The following KDSR variants were observed in gnomAD, a reference collection of about 807,000 sequenced individuals.
KDSR encodes 3-dehydrosphinganine reductase.
In KDSR, 23 loss-of-function variants were observed where a neutral mutation model predicts 41.3. That is an observed-to-expected ratio of 0.56 (90% CI 0.40 to 0.79). The LOEUF (loss-of-function observed/expected upper bound fraction) is 0.79. Among genes scored for constraint, KDSR ranks in the 30% least tolerant of loss-of-function variants. The pLI, the probability that KDSR is intolerant of heterozygous loss-of-function variation, is 0.00. For missense variants in KDSR, 351 were observed against 416.8 expected (o/e 0.84, Z 1.37); for synonymous variants, 138 against 151.7 (o/e 0.91, Z 0.66).
intron 1 of KDSR, among the ~76,000 whole-genome samples, chr18:63,364,530 G>A (rs1030149238): frequency 6.6e-6 from 1 of 151,308 alleles, no homozygotes; most frequent in African/African-American, 2.4e-5. Context: ...TGCAACCTCC[G>A]CCTCCCAGGT....
In KDSR at chr18:63,331,316, GACAGAGAGAC is replaced by G. The variant is rs1913987385; in HGVS notation, c.*456_*465del. ...AGACAGAGAGACAGAGAGACAGAGA[GACAGAGAGAC>G]AGAGAGAGAGAGAGAGAGAACCCGA... On this transcript the variant is annotated 3_prime_UTR_variant, in exon 10 of 10. Transcript: ENST00000645214. 18 of 225,800 alleles carry G rather than the reference GACAGAGAGAC, an allele frequency of 8.0e-5. No homozygotes were observed. In the East Asian group the frequency reaches 1.1e-3, roughly 14 times the overall value. 14.0% of individuals were successfully genotyped at this position (225,800 alleles called of 1,614,324 possible).
chr18:63,346,853 T>C (rs1568279149), intron 6 of KDSR, among the ~76,000 whole-genome samples: 1 of 152,198 alleles, frequency 6.6e-6, no homozygotes, highest in South Asian at 2.1e-4. Flanking sequence ...AAGATTCTAG[T>C]TTCCTGAAAC....
intron 3 of KDSR, among the ~76,000 whole-genome samples, chr18:63,358,065 A>C (rs1319479644): frequency 6.6e-6 from 1 of 152,086 alleles, no homozygotes; most frequent in East Asian, 1.9e-4. Context: ...AATCCCAACT[A>C]CCCAGGAAGC....
At chr18:63,358,469 A>G (rs1000317942) in intron 3 of KDSR, among the ~76,000 whole-genome samples, 2 of 152,142 alleles carry the variant, frequency 1.3e-5, no homozygotes, top group African/African-American at 4.8e-5. Flanking sequence ...TATAAATTAT[A>G]TCTCATAAAG....
In KDSR at chr18:63,338,802, T is replaced by G; in HGVS notation, c.775A>C (p.Ile259Leu). Residue 259 changes from isoleucine (I) to leucine (L), a missense_variant and splice_region_variant, in exon 8 of 10, where the codon ATA (isoleucine) becomes CTA (leucine). Ile to Leu is a conservative substitution (Grantham distance 5, BLOSUM62 2). Coordinates refer to ENST00000645214, the MANE Select transcript of KDSR (RefSeq NM_002035.4). ...QVAKQIVKDA[I>L]QGNFNSSLGS... ...CAGAAAACAAGGATTTTACTTACTA[T>G]GGCATCTTTAACAATTTGTTTGGCC... 1 of 1,591,002 alleles carries G rather than the reference T, an allele frequency of 6.3e-7. No individual in the cohort carries two copies. Among genetic ancestry groups the G allele is most frequent in the Admixed American group, 1.7e-5 (1 of 58,398 alleles).
chr18:63,367,024 C>A lies in KDSR; in HGVS notation c.95G>T (p.Gly32Val), dbSNP rs1915159657. The A allele has an allele frequency of 4.6e-6, 6 of 1,314,796 alleles. No homozygotes were observed. The highest frequency in any genetic ancestry group is 1.5e-5 in the African/African-American group (1 of 66,350). The allele number at this position is 1,314,796 out of a possible 1,614,324, so 81.4% of individuals were successfully genotyped here. Residue 32 changes from glycine (G) to valine (V), a missense_variant, in exon 1 of 10, where the codon GGG becomes GTG. Physicochemically the swap from Gly to Val is moderately radical, Grantham distance 109. Transcript: ENST00000645214. ...GAGGCCACTCACCACCACATGCGCCCCGGGCAGGGCGAGGGGCTTGGGGCT... is the reference window on the plus strand; with the variant it reads ...GAGGCCACTCACCACCACATGCGCCACGGGCAGGGCGAGGGGCTTGGGGCT... ...LISPKPLALP[G>V]AHVVVTGGSS...
intron 9 of KDSR, among the ~76,000 whole-genome samples, chr18:63,334,338 C>T (rs1333635371): frequency 1.3e-5 from 2 of 150,668 alleles, no homozygotes; most frequent in Non-Finnish European, 3.0e-5. Context: ...TACTTCATTA[C>T]ACTGCACTAC....
At chr18:63,354,293 C>T (rs548303433) in intron 5 of KDSR, among the ~76,000 whole-genome samples, 6 of 151,874 alleles carry the variant, frequency 4.0e-5, no homozygotes, top group African/African-American at 7.2e-5. Flanking sequence ...CCAGCCTCAG[C>T]GACAGAGCAA....
At chr18:63,354,298 G>A (rs1222247692) in intron 5 of KDSR, among the ~76,000 whole-genome samples, 1 of 152,146 alleles carries the variant, frequency 6.6e-6, no homozygotes, top group Non-Finnish European at 1.5e-5. Flanking sequence ...CTCAGCGACA[G>A]AGCAAGACTC....
rs1568271951 is a variant in KDSR, at chr18:63,327,862, T to C, written c.*3920A>G. The C allele has an allele frequency of 5.1e-6, 1 of 197,234 alleles. No individual in the cohort carries two copies. The highest frequency in any genetic ancestry group is 6.1e-5 in the Admixed American group (1 of 16,508). 12.2% of individuals were successfully genotyped at this position (197,234 alleles called of 1,614,324 possible). On this transcript the variant is annotated 3_prime_UTR_variant, in exon 10 of 10. Coordinates refer to ENST00000645214, the MANE Select transcript of KDSR (RefSeq NM_002035.4). The stretch of plus-strand genomic sequence containing the variant: ...ACAACTTTGTGTATCAAAATAGCCA[T>C]GTGCGCTTTTATCAGTTAAAAAGTC...
At position 63,337,120 on chromosome 18, in the gene KDSR, A is replaced by C. The variant is rs200520834; in HGVS notation, c.777+1680T>G. Among the ~76,000 whole-genome samples the C allele has an allele frequency of 2.4e-3, 116 of 47,396 alleles. 4 individuals carry two copies. The highest frequency in any genetic ancestry group is 3.5e-3 in the Admixed American group (10 of 2,820). 31.1% of individuals were successfully genotyped at this position (47,396 alleles called of 152,430 possible). A position where few individuals can be genotyped will look rare whatever the true frequency, so the allele number is the denominator to read the frequency against. On this transcript the variant is annotated intron_variant, in intron 8 of 9. Coordinates refer to ENST00000645214, the MANE Select transcript of KDSR (RefSeq NM_002035.4). The stretch of plus-strand genomic sequence containing the variant: ...TATATATATATATATGTGAATATAT[A>C]TATATATATATATATATGGAGTTTT...
chr18:63,367,010 C>A lies in KDSR; in HGVS notation c.108+1G>T. On this transcript the variant is annotated splice_donor_variant, in intron 1 of 9. Transcript: ENST00000645214. LOFTEE classifies it high-confidence loss of function. ...GGGGGCAGCAACAGGAGGCCACTCACCACCACATGCGCCCCGGGCAGGGCG... is the reference window on the plus strand; with the variant it reads ...GGGGGCAGCAACAGGAGGCCACTCAACACCACATGCGCCCCGGGCAGGGCG... 7.6e-7 allele frequency: 1 copy of A among 1,309,040 alleles called. No individual in the cohort carries two copies. Among genetic ancestry groups the A allele is most frequent in the Non-Finnish European group, 9.8e-7 (1 of 1,018,944 alleles). 81.1% of individuals were successfully genotyped at this position (1,309,040 alleles called of 1,614,324 possible). A position where few individuals can be genotyped will look rare whatever the true frequency, so the allele number is the denominator to read the frequency against.
chr18:63,364,743 C>A (rs1439112983), intron 1 of KDSR, among the ~76,000 whole-genome samples: 1 of 152,214 alleles, frequency 6.6e-6, no homozygotes, highest in East Asian at 1.9e-4. Context: ...TGTACCCGGC[C>A]ATATCGTTCT....
At chr18:63,343,413 G>C (rs1255706784) in intron 7 of KDSR, among the ~76,000 whole-genome samples, 1 of 144,510 alleles carries the variant, frequency 6.9e-6, no homozygotes, top group Non-Finnish European at 1.5e-5. Flanking sequence ...TTTAGATATT[G>C]GTTCTCGCTC....
intron 6 of KDSR, among the ~76,000 whole-genome samples, chr18:63,347,353 G>A (rs1185789490): frequency 3.3e-5 from 5 of 151,676 alleles, no homozygotes; most frequent in African/African-American, 9.7e-5. Flanking sequence ...AAAATTAGCC[G>A]GGCATGGTGG....
intron 8 of KDSR, among the ~76,000 whole-genome samples, chr18:63,337,261 G>T (rs1394858343): frequency 6.6e-6 from 1 of 151,570 alleles, no homozygotes; most frequent in African/African-American, 2.4e-5. Flanking sequence ...GATTACAGGC[G>T]CATGTCACCA....
intron 9 of KDSR, among the ~76,000 whole-genome samples, chr18:63,332,831 CAAAA>C (rs1159424416): frequency 2.0e-4 from 15 of 75,032 alleles, no homozygotes; most frequent in South Asian, 5.0e-4. Flanking sequence ...GACTCCGTCT[CAAAA>C]AAAAAAAAAA....
intron 9 of KDSR, 128 bp from the exon 10 acceptor site, chr18:63,332,029 C>T: frequency 1.0e-6 from 1 of 966,206 alleles, no homozygotes; most frequent in South Asian, 1.9e-5. Context: ...ATAATGAAAA[C>T]TCTGTAAATG....
chr18:63,340,128 A>C (rs973700335), intron 7 of KDSR, among the ~76,000 whole-genome samples: 7 of 152,196 alleles, frequency 4.6e-5, no homozygotes, highest in African/African-American at 1.7e-4. Context: ...ACCCCCAACA[A>C]GTCTGCCCAA....
Sources: gnomAD v4.1 joint callset for allele counts (sites outside exome capture counted in the v4.1 genomes callset) on GRCh38, gnomAD v4.1.1 for gene constraint, MANE v1.5 for transcripts, NCBI Gene and HGNC (gene_info 2026-07-23, HGNC 2026-07-21) for gene names.